SLCO1B3: variants seen among roughly 807,000 people sequenced by gnomAD.
SLCO1B3 encodes liver-specific organic anion transporter 2.
In SLCO1B3, 72 loss-of-function variants were observed where a neutral mutation model predicts 71.8. The ratio of observed to expected loss-of-function variants is 1.00; its 90% CI spans 0.83 to 1.22. The LOEUF (loss-of-function observed/expected upper bound fraction) is 1.22, where lower values mean the gene tolerates loss of function less well. Among genes scored for constraint, SLCO1B3 ranks in the 50% most tolerant of loss-of-function variants. The pLI, the probability that SLCO1B3 is intolerant of heterozygous loss-of-function variation, is 0.00. For missense variants in SLCO1B3, 911 were observed against 819.7 expected (o/e 1.11, Z -1.36); for synonymous variants, 298 against 278.4 (o/e 1.07, Z -0.70).
intron 3 of SLCO1B3, among the ~76,000 whole-genome samples, chr12:20,834,300 T>C (rs1864623191): frequency 7.2e-6 from 1 of 137,936 alleles, no homozygotes; most frequent in South Asian, 2.4e-4. Flanking sequence ...ATATATATAA[T>C]TATATATAGG....
At chr12:20,826,176 A>G (rs538586986) in intron 3 of SLCO1B3, among the ~76,000 whole-genome samples, 1 of 152,276 alleles carries the variant, frequency 6.6e-6, no homozygotes, top group South Asian at 2.1e-4. Flanking sequence ...TAAAGCCAAG[A>G]GCACAGAGGG....
chr12:20,837,178 T>C (rs939314400), intron 3 of SLCO1B3, among the ~76,000 whole-genome samples: 4 of 152,148 alleles, frequency 2.6e-5, no homozygotes, highest in African/African-American at 9.6e-5. Context: ...ATTTTTGATA[T>C]TGGTAATTAG....
At chr12:20,876,280 T>C (rs10841688) in intron 9 of SLCO1B3, among the ~76,000 whole-genome samples, 109,853 of 151,882 alleles carry the variant, frequency 0.72, 42,299 homozygotes, top group South Asian at 0.87. Context: ...ATCAAGAGAA[T>C]GATCTGGCAG....
chr12:20,840,150 A>G (rs2121167471), intron 3 of SLCO1B3, among the ~76,000 whole-genome samples: 1 of 152,156 alleles, frequency 6.6e-6, no homozygotes, highest in South Asian at 2.1e-4. Context: ...GCCATATGTG[A>G]GTTTGGTCCT....
chr12:20,835,555 CTT>C (rs957841291), intron 3 of SLCO1B3, among the ~76,000 whole-genome samples: 1 of 152,186 alleles, frequency 6.6e-6, no homozygotes, highest in African/African-American at 2.4e-5. Flanking sequence ...CTGCCAGTCT[CTT>C]TGCTACAGAA....
chr12:20,867,818 A>G (rs927527673), intron 8 of SLCO1B3, among the ~76,000 whole-genome samples: 6 of 152,148 alleles, frequency 3.9e-5, no homozygotes, highest in Non-Finnish European at 5.9e-5. Context: ...CACTGTGTGT[A>G]CCTGTCTTTC....
chr12:20,844,264 A>T (rs1405003242), intron 3 of SLCO1B3, among the ~76,000 whole-genome samples: 1 of 152,040 alleles, frequency 6.6e-6, no homozygotes, highest in East Asian at 1.9e-4. Flanking sequence ...ATGTATTTCC[A>T]AATTTTTAAA....
rs913343253 is a variant in SLCO1B3, at chr12:20,837,208, T to C, written c.85-17820T>C. Among the ~76,000 whole-genome samples the C allele has an allele frequency of 6.6e-5, 10 of 152,246 alleles. No individual in the cohort carries two copies. In the East Asian group the frequency reaches 1.5e-3, roughly 23 times the overall value. ...AATTAGTATTCACTCTCTTTTTTTT[T>C]CCCTTAGTTAACCTGGTTAGAAGCC... On this transcript the variant is annotated intron_variant, in intron 3 of 15. Transcript: ENST00000381545.
chr12:20,911,982 T>C (rs990982355), intron 15 of SLCO1B3, among the ~76,000 whole-genome samples: 1 of 152,224 alleles, frequency 6.6e-6, no homozygotes, highest in Non-Finnish European at 1.5e-5. Flanking sequence ...TAATTTGCTC[T>C]TCTTTTTCTA....
chr12:20,824,233 A>C (rs1157646275), intron 3 of SLCO1B3, among the ~76,000 whole-genome samples: 1 of 152,184 alleles, frequency 6.6e-6, no homozygotes, highest in African/African-American at 2.4e-5. Flanking sequence ...ACCAATCAGC[A>C]AATGTTTTAA....
chr12:20,815,517 G>C (rs555468830), intron 2 of SLCO1B3, among the ~76,000 whole-genome samples, 157 bp from the exon 3 acceptor site: 1 of 151,956 alleles, frequency 6.6e-6, no homozygotes, highest in South Asian at 2.1e-4. Context: ...TTCCTCCTCT[G>C]TGTCCAGCAT....
At chr12:20,812,746 C>G (rs544832293) in intron 1 of SLCO1B3, among the ~76,000 whole-genome samples, 1 of 152,174 alleles carries the variant, frequency 6.6e-6, no homozygotes, top group East Asian at 1.9e-4. Flanking sequence ...AGAAATTAAT[C>G]AATTGAAAGA....
chr12:20,903,905 G>A (rs541764040), intron 15 of SLCO1B3, among the ~76,000 whole-genome samples: 11 of 152,072 alleles, frequency 7.2e-5, no homozygotes, highest in Non-Finnish European at 1.5e-4. Flanking sequence ...CTGAGACAAG[G>A]TAAGTCCCTT....
At chr12:20,864,574 G>A (rs531509827) in intron 8 of SLCO1B3, among the ~76,000 whole-genome samples, 4 of 152,214 alleles carry the variant, frequency 2.6e-5, no homozygotes, top group East Asian at 3.9e-4. Context: ...GTAGCTACAC[G>A]TTATGTACAT....
intron 15 of SLCO1B3, among the ~76,000 whole-genome samples, chr12:20,904,872 C>G (rs542088178): frequency 1.4e-5 from 2 of 138,266 alleles, no homozygotes; most frequent in South Asian, 5.1e-4. Flanking sequence ...CTCCTGGGTT[C>G]AATCAATTCT....
At chr12:20,894,382 AGTGT>A (rs952397603) in intron 13 of SLCO1B3, among the ~76,000 whole-genome samples, 1 of 152,054 alleles carries the variant, frequency 6.6e-6, no homozygotes, top group Non-Finnish European at 1.5e-5. Flanking sequence ...TGTAGGGGTG[AGTGT>A]GTGTGATTGT....
intron 3 of SLCO1B3, among the ~76,000 whole-genome samples, chr12:20,817,290 G>A (rs536222335): frequency 5.3e-5 from 8 of 152,276 alleles, no homozygotes; most frequent in Middle Eastern, 3.4e-3. Context: ...CCAGATGAAC[G>A]TCCTGGAGAG....
chr12:20,916,230 A>G lies in SLCO1B3; in HGVS notation c.2092A>G (p.Asn698Asp). Residue 698 changes from asparagine to aspartate, a missense_variant, in exon 16 of 16, where the codon AAT (asparagine) becomes GAT (aspartate). Asn to Asp is a conservative substitution (Grantham distance 23). Transcript: ENST00000381545. ...AACATGTAATTTGGACATGCAAGAC[A>G]ATGCTGCTGCCAACTAACATTGCAT... ...SKTCNLDMQD[N>D]AAAN is the part of the protein sequence containing the mutation. 1 of 1,612,674 alleles carries G rather than the reference A, an allele frequency of 6.2e-7. No individual in the cohort carries two copies. The highest frequency in any genetic ancestry group is 1.1e-5 in the South Asian group (1 of 91,024).
chr12:20,860,341 TAGAG>T lies in SLCO1B3; in HGVS notation c.360-673_360-670del, dbSNP rs1865235381. ...TATCTTCGATCATACACATTTATCT[TAGAG>T]AGTGTGAAATTTCCAAAGTACAAAC... On this transcript the variant is annotated intron_variant, in intron 5 of 15. Transcript: ENST00000381545. Among the ~76,000 whole-genome samples the T allele has an allele frequency of 2.0e-5, 3 of 152,290 alleles. No homozygotes were observed. In the South Asian group the frequency reaches 6.2e-4, roughly 32 times the overall value.
Sources: gnomAD v4.1 joint callset for allele counts (sites outside exome capture counted in the v4.1 genomes callset) on GRCh38, gnomAD v4.1.1 for gene constraint, MANE v1.5 for transcripts, NCBI Gene and HGNC (gene_info 2026-07-23, HGNC 2026-07-21) for gene names.